The following DPP6 variants were observed in gnomAD, a reference collection of about 807,000 sequenced individuals.
DPP6 encodes the protein dipeptidyl peptidase like 6.
A neutral mutation model predicts 122.6 loss-of-function variants in DPP6; 69 were observed. That is an observed-to-expected ratio of 0.56 (90% CI 0.46 to 0.69). The LOEUF is 0.69. Ranked by LOEUF, DPP6 falls within the 30% of genes least tolerant of loss-of-function variation. The pLI is 0.00. For synonymous variants in DPP6, 418 were observed against 433.1 expected (o/e 0.97, Z 0.43); for missense variants, 928 against 1,116.9 (o/e 0.83, Z 2.41).
chr7:154,230,813 A>G (rs1397992144), intron 1 of DPP6, among the ~76,000 whole-genome samples: 1 of 152,240 alleles, frequency 6.6e-6, no homozygotes, highest in Non-Finnish European at 1.5e-5. Flanking sequence ...AGTGCCGGAT[A>G]CTGTTCTAAC....
chr7:154,061,002 C>A (rs1228815988), intron 1 of DPP6, among the ~76,000 whole-genome samples: 3 of 149,098 alleles, frequency 2.0e-5, no homozygotes, highest in African/African-American at 7.3e-5. Flanking sequence ...TATTAGGTGT[C>A]CAAGTAGAGA....
intron 5 of DPP6, among the ~76,000 whole-genome samples, chr7:154,623,621 G>T (rs937536500): frequency 1.4e-5 from 2 of 144,774 alleles, no homozygotes; most frequent in South Asian, 4.4e-4. Flanking sequence ...GCACGTACAC[G>T]CGCACACATG....
At chr7:154,642,973 T>G (rs1836205283) in intron 6 of DPP6, among the ~76,000 whole-genome samples, 1 of 152,356 alleles carries the variant, frequency 6.6e-6, no homozygotes, top group South Asian at 2.1e-4. Context: ...GAGTGATTAG[T>G]TAATATTGTA....
intron 1 of DPP6, among the ~76,000 whole-genome samples, chr7:154,045,700 C>G (rs763534166): frequency 1.3e-5 from 2 of 152,176 alleles, no homozygotes; most frequent in Non-Finnish European, 2.9e-5. Context: ...TAGCAGTGCT[C>G]CAAATGTACC....
the DPP6 span, among the ~76,000 whole-genome samples, chr7:153,774,459 T>C: frequency 1.1e-4 from 16 of 152,304 alleles, no homozygotes; most frequent in Non-Finnish European, 2.1e-4. Context: ...ATGTCAATCA[T>C]GTGAGGAACT....
At chr7:154,513,520 C>G (rs1472699969) in intron 3 of DPP6, among the ~76,000 whole-genome samples, 1 of 152,148 alleles carries the variant, frequency 6.6e-6, no homozygotes, top group Non-Finnish European at 1.5e-5. Flanking sequence ...CTACATCCCT[C>G]CTTCATGGGG....
intron 1 of DPP6, among the ~76,000 whole-genome samples, chr7:154,029,190 C>G (rs1310695847): frequency 6.7e-6 from 1 of 149,668 alleles, no homozygotes; most frequent in Admixed American, 6.7e-5. Flanking sequence ...ATGTCCATGT[C>G]TTCCTTGAGA....
rs555294432 is a variant in DPP6, at chr7:153,929,860, G to A, written c.51+42126G>A. Among the ~76,000 whole-genome samples, 110 of 152,262 alleles carry A rather than the reference G, an allele frequency of 7.2e-4. 1 individual carries two copies. Among genetic ancestry groups the A allele is most frequent in the South Asian group, 2.9e-3 (14 of 4,822 alleles). On this transcript the variant is annotated intron_variant, in intron 1 of 25. Transcript: ENST00000404039. ...ATTTGCATTACTTGAAGTGAATTAT[G>A]TTCATTTTCCATAATTCTAAGTCAA...
intron 7 of DPP6, among the ~76,000 whole-genome samples, chr7:154,705,702 T>C (rs1283794818): frequency 6.6e-6 from 1 of 152,154 alleles, no homozygotes; most frequent in East Asian, 1.9e-4. Flanking sequence ...GTCACAGGCA[T>C]AGGGGAGAGA....
chr7:153,766,502 A>G, the DPP6 span, among the ~76,000 whole-genome samples: 5 of 152,210 alleles, frequency 3.3e-5, no homozygotes, highest in Non-Finnish European at 7.3e-5. Flanking sequence ...TGGAACAAAC[A>G]ATAGAACCTT....
the DPP6 span, among the ~76,000 whole-genome samples, chr7:153,880,148 G>A: frequency 6.3e-4 from 96 of 152,254 alleles, no homozygotes; most frequent in Non-Finnish European, 1.1e-3. Flanking sequence ...ATGAGCATTT[G>A]TTACATATAA....
chr7:154,067,914 T>TG (rs909824805), intron 1 of DPP6, among the ~76,000 whole-genome samples: 9 of 141,166 alleles, frequency 6.4e-5, no homozygotes, highest in South Asian at 4.4e-4. Flanking sequence ...TTTGTTTTTT[T>TG]TTTGTTTGTT....
chr7:153,843,520 C>A, the DPP6 span, among the ~76,000 whole-genome samples: 1 of 152,014 alleles, frequency 6.6e-6, no homozygotes, highest in South Asian at 2.1e-4. Context: ...GGGGGGTCAC[C>A]ACCTCCTGGA....
intron 16 of DPP6, among the ~76,000 whole-genome samples, chr7:154,848,298 A>G (rs1482269065): frequency 2.0e-5 from 3 of 151,918 alleles, no homozygotes; most frequent in African/African-American, 7.2e-5. Context: ...CAGAGCATAT[A>G]AAGGTTTCCT....
In DPP6 at chr7:154,131,302, T is replaced by C. The variant is rs138112905; in HGVS notation, c.243+78239T>C. Among the ~76,000 whole-genome samples the C allele has an allele frequency of 5.0e-3, 763 of 152,344 alleles. 6 individuals are homozygous for C. Among genetic ancestry groups the C allele is most frequent in the African/African-American group, 0.018 (728 of 41,564 alleles). ...GTTTTAGCCCAAACTTACCTTGCCATGATATCTTCTTTCCAGGAACGTCAG... is the reference window on the plus strand; with the variant it reads ...GTTTTAGCCCAAACTTACCTTGCCACGATATCTTCTTTCCAGGAACGTCAG... On this transcript the variant is annotated intron_variant, in intron 1 of 25. Coordinates refer to ENST00000377770, the MANE Select transcript of DPP6 (RefSeq NM_130797.4).
intron 4 of DPP6, among the ~76,000 whole-genome samples, chr7:154,559,857 A>G (rs1262734938): frequency 6.6e-6 from 1 of 151,314 alleles, no homozygotes; most frequent in Non-Finnish European, 1.5e-5. Context: ...GTCAGCTATG[A>G]TCACACCACT....
the DPP6 span, among the ~76,000 whole-genome samples, chr7:153,817,275 T>A: frequency 1.4e-5 from 2 of 147,720 alleles, no homozygotes; most frequent in Non-Finnish European, 3.0e-5. Context: ...CATTTCATTG[T>A]ACAAATCATA....
chr7:154,336,018 A>G (rs1219412107), intron 1 of DPP6, among the ~76,000 whole-genome samples: 1 of 152,022 alleles, frequency 6.6e-6, no homozygotes, highest in African/African-American at 2.4e-5. Flanking sequence ...GGTCTCATCC[A>G]CCACCAGAAA....
chr7:153,931,384 C>G (rs11769195), intron 1 of DPP6, among the ~76,000 whole-genome samples: 1 of 152,054 alleles, frequency 6.6e-6, no homozygotes, highest in Non-Finnish European at 1.5e-5. Context: ...AGTCTTAGCA[C>G]TAAGGCAGCT....
Sources: gnomAD v4.1 joint callset for allele counts (sites outside exome capture counted in the v4.1 genomes callset) on GRCh38, gnomAD v4.1.1 for gene constraint, MANE v1.5 for transcripts, NCBI Gene and HGNC (gene_info 2026-07-23, HGNC 2026-07-21) for gene names.